Variants in UROC1 observed in about 807,000 individuals in gnomAD.
UROC1 encodes the protein urocanate hydratase.
In UROC1, 79 loss-of-function variants were observed where a neutral mutation model predicts 89.5. That is an observed-to-expected ratio of 0.88 (90% confidence interval 0.74 to 1.06). The LOEUF (loss-of-function observed/expected upper bound fraction) is 1.06, where lower values mean the gene tolerates loss of function less well. UROC1 is among the 50% of genes least tolerant of loss of function. The pLI, the probability that UROC1 is intolerant of heterozygous loss-of-function variation, is 0.00. For missense variants in UROC1, 885 were observed against 907.8 expected (o/e 0.97, Z 0.32); for synonymous variants, 361 against 354.8 (o/e 1.02, Z -0.20).
chr3:126,517,754 G>A lies in UROC1; in HGVS notation c.-35C>T. 1.9e-6 allele frequency: 3 copies of A among 1,552,816 alleles called. No homozygotes were observed. The highest frequency in any genetic ancestry group is 2.4e-5 in the East Asian group (1 of 41,192). On this transcript the variant is annotated 5_prime_UTR_variant, in exon 1 of 20. Transcript: ENST00000290868. The stretch of plus-strand genomic sequence containing the variant: ...AGATGGAGGCAGAGGCCAGCACTGT[G>A]GGGAGGCCAGGAAGAGACTGGGCAG...
At chr3:126,503,405 G>A (rs1020169408) in intron 9 of UROC1, among the ~76,000 whole-genome samples, 2 of 152,216 alleles carry the variant, frequency 1.3e-5, no homozygotes, top group African/African-American at 4.8e-5. Context: ...AGTGGCATCC[G>A]AGCAGGAGCC....
intron 9 of UROC1, among the ~76,000 whole-genome samples, chr3:126,502,504 G>C (rs1385518452): frequency 6.6e-6 from 1 of 151,014 alleles, no homozygotes; most frequent in African/African-American, 2.4e-5. Context: ...ATGCATGTTA[G>C]TGTGTATGCA....
At chr3:126,510,910 C>T in intron 1 of UROC1, 116 bp from the exon 2 acceptor site, 2 of 1,448,568 alleles carry the variant, frequency 1.4e-6, no homozygotes, top group Non-Finnish European at 1.8e-6. Flanking sequence ...ACTCAGAAGC[C>T]TGTTGCCCAC....
intron 15 of UROC1, among the ~76,000 whole-genome samples, chr3:126,493,133 C>A (rs1935691465): frequency 6.6e-6 from 1 of 152,110 alleles, no homozygotes; most frequent in African/African-American, 2.4e-5. Flanking sequence ...GGTGGTTGTC[C>A]CCGGGAGACA....
At chr3:126,482,741 C>T (rs1935418745) in intron 19 of UROC1, among the ~76,000 whole-genome samples, 1 of 152,128 alleles carries the variant, frequency 6.6e-6, no homozygotes, top group East Asian at 1.9e-4. Flanking sequence ...CCTCCTGAGT[C>T]CTCCGCAGCA....
intron 4 of UROC1, 104 bp downstream of exon 4, chr3:126,508,312 G>A: frequency 7.3e-7 from 1 of 1,375,360 alleles, no homozygotes; most frequent in Non-Finnish European, 1.0e-6. Context: ...CACCAGGGAG[G>A]CAGAGGCCTG....
intron 1 of UROC1, among the ~76,000 whole-genome samples, chr3:126,513,133 A>AG (rs1287168905): frequency 2.4e-5 from 3 of 122,854 alleles, no homozygotes; most frequent in Non-Finnish European, 3.5e-5. Flanking sequence ...CCCACAGAGC[A>AG]GGGTGTGTGT....
chr3:126,494,486 G>C (rs1414555446), intron 15 of UROC1, among the ~76,000 whole-genome samples: 1 of 152,220 alleles, frequency 6.6e-6, no homozygotes, highest in Non-Finnish European at 1.5e-5. Flanking sequence ...CTGTTGGCAC[G>C]GGGACTCTGA....
intron 15 of UROC1, among the ~76,000 whole-genome samples, chr3:126,494,489 G>T (rs925079573): frequency 7.2e-5 from 11 of 152,214 alleles, no homozygotes; most frequent in African/African-American, 2.7e-4. Context: ...TTGGCACGGG[G>T]ACTCTGAGGC....
chr3:126,496,217 T>C, intron 14 of UROC1, 109 bp from the exon 15 acceptor site: 1 of 1,152,438 alleles, frequency 8.7e-7, no homozygotes, highest in South Asian at 1.3e-5. Context: ...ACCACTGAGC[T>C]AGGACACAAG....
intron 16 of UROC1, among the ~76,000 whole-genome samples, chr3:126,489,808 C>T (rs777478): frequency 0.47 from 71,268 of 152,118 alleles, 17,846 homozygotes; most frequent in Middle Eastern, 0.62. Flanking sequence ...AAGTAAAAAA[C>T]GACTTAAGAG....
intron 16 of UROC1, 79 bp from the exon 17 acceptor site, chr3:126,489,454 G>GTCACA (rs1935595446): frequency 8.5e-7 from 1 of 1,171,950 alleles, no homozygotes; most frequent in South Asian, 1.2e-5. Context: ...CAAGGGGCAG[G>GTCACA]TCACACCAGA....
At position 126,495,897 on chromosome 3, in the gene UROC1, A is replaced by G. The variant is rs111855136; in HGVS notation, c.1509+141T>C. Reference sequence around the variant, plus strand: ...ATGGGGCTGGCACAAACAGTCACACAGGATCTTGTGTGTGCACCCTCTCAG... The same window carrying G: ...ATGGGGCTGGCACAAACAGTCACACGGGATCTTGTGTGTGCACCCTCTCAG... On this transcript the variant is annotated intron_variant, in intron 15 of 19. Transcript: ENST00000290868. The G allele has an allele frequency of 8.6e-3, 6,724 of 784,498 alleles. 285 individuals are homozygous for G. In the African/African-American group the frequency reaches 0.095, roughly 11 times the overall value. 48.6% of individuals were successfully genotyped at this position (784,498 alleles called of 1,614,324 possible). A position where few individuals can be genotyped will look rare whatever the true frequency, so the allele number is the denominator to read the frequency against.
intron 1 of UROC1, among the ~76,000 whole-genome samples, chr3:126,512,846 C>T (rs1234257942): frequency 6.6e-6 from 1 of 152,214 alleles, no homozygotes; most frequent in East Asian, 1.9e-4. Flanking sequence ...AAGCAAAGAG[C>T]AAGCATGATT....
intron 14 of UROC1, among the ~76,000 whole-genome samples, 161 bp downstream of exon 14, chr3:126,497,890 T>C (rs1260950244): frequency 6.6e-6 from 1 of 152,250 alleles, no homozygotes; most frequent in African/African-American, 2.4e-5. Context: ...TTTAAGTCCC[T>C]TTGTGTTGCC....
At chr3:126,483,012 C>T (rs11718043) in intron 19 of UROC1, among the ~76,000 whole-genome samples, 79,150 of 151,944 alleles carry the variant, frequency 0.52, 21,063 homozygotes, top group South Asian at 0.65. Flanking sequence ...TCCCCAGCTC[C>T]GCCAGAAGCC....
In UROC1 at chr3:126,505,786, A is replaced by G. The variant is rs1576726560; in HGVS notation, c.728T>C (p.Val243Ala). 3.7e-6 allele frequency: 6 copies of G among 1,613,768 alleles called. No individual in the cohort carries two copies. The highest frequency in any genetic ancestry group is 5.1e-6 in the Non-Finnish European group (6 of 1,179,990). Residue 243 changes from valine (V) to alanine (A), a missense_variant, in exon 8 of 20, where the codon GTC (valine) becomes GCC (alanine). Transcript: ENST00000290868. ...YLGIEDLAGK[V>A]FVTSGLGGMS... ...TCCGCCGAGCCCAGAGGTGACAAAG[A>G]CCTTCCCAGCCAAGTCCTCGATGCC...
At chr3:126,501,802 A>T in intron 9 of UROC1, 1 of 1,599,476 alleles carries the variant, frequency 6.3e-7, no homozygotes, top group Non-Finnish European at 8.5e-7. Context: ...AATGCTTACC[A>T]GGAGTGGCCT....
At chr3:126,506,864 G>A (rs939489986) in intron 6 of UROC1, among the ~76,000 whole-genome samples, 2 of 152,176 alleles carry the variant, frequency 1.3e-5, no homozygotes, top group Admixed American at 1.3e-4. Flanking sequence ...GATCAACTGA[G>A]GTCAGCGGTT....
Sources: gnomAD v4.1 joint callset for allele counts (sites outside exome capture counted in the v4.1 genomes callset) on GRCh38, gnomAD v4.1.1 for gene constraint, MANE v1.5 for transcripts, NCBI Gene and HGNC (gene_info 2026-07-23, HGNC 2026-07-21) for gene names.